Variants in BRF1 observed in about 807,000 individuals in gnomAD.
BRF1 encodes the protein BRF1 general transcription factor IIIB subunit.
Under a neutral mutation model 81.7 loss-of-function variants are expected in BRF1, and 59 were observed. The ratio of observed to expected loss-of-function variants is 0.72; its 90% CI spans 0.59 to 0.90. The LOEUF (loss-of-function observed/expected upper bound fraction) is 0.90. BRF1 is among the 40% of genes least tolerant of loss of function. The pLI, the probability that BRF1 is intolerant of heterozygous loss-of-function variation, is 0.00. For synonymous variants in BRF1, 491 were observed against 395.6 expected (o/e 1.24, Z -2.86); for missense variants, 1,050 against 936.3 (o/e 1.12, Z -1.58).
chr14:105,228,742 C>G (rs1050718226), intron 7 of BRF1, 78 bp downstream of exon 7: 5 of 1,535,942 alleles, frequency 3.3e-6, no homozygotes, highest in Admixed American at 3.4e-5. Context: ...GGAGGTGGCG[C>G]CTGCTCTGGC....
intron 3 of BRF1, among the ~76,000 whole-genome samples, chr14:105,258,053 C>G (rs2055968858): frequency 1.3e-5 from 2 of 152,218 alleles, no homozygotes. Context: ...AACAACTTGG[C>G]AAGACGGGCT....
Position 105,210,298 on chromosome 14 carries a change from G to A in BRF1, c.*253C>T, listed in dbSNP as rs111764937. 1.9e-5 allele frequency: 10 copies of A among 522,454 alleles called. No individual in the cohort carries two copies. The highest frequency in any genetic ancestry group is 3.3e-5 in the Admixed American group (1 of 30,452). 32.4% of individuals were successfully genotyped at this position (522,454 alleles called of 1,614,324 possible). ...CTTGGATGAGTCGACGGCAGGCAGCGGGACCCAGCCCTGCACACACCCGGC... is the reference window on the plus strand; with the variant it reads ...CTTGGATGAGTCGACGGCAGGCAGCAGGACCCAGCCCTGCACACACCCGGC... On this transcript the variant is annotated 3_prime_UTR_variant, in exon 18 of 18. Coordinates refer to ENST00000547530, the MANE Select transcript of BRF1 (RefSeq NM_001519.4). This position sits in a 1 kb window ranked among gnomAD's most constrained non-coding sequence, Gnocchi z 4.7.
intron 10 of BRF1, among the ~76,000 whole-genome samples, chr14:105,223,764 C>G (rs976687961): frequency 2.6e-5 from 4 of 152,136 alleles, no homozygotes; most frequent in Non-Finnish European, 5.9e-5. Flanking sequence ...TCAAAGGGCA[C>G]ATTTTAAATA....
intron 5 of BRF1, chr14:105,247,649 A>G: frequency 1.0e-6 from 1 of 985,308 alleles, no homozygotes; most frequent in Non-Finnish European, 1.2e-6. Context: ...TGCACCCATG[A>G]CCCGAGATGC....
intron 5 of BRF1, chr14:105,249,362 C>T (rs765834225): frequency 1.9e-5 from 31 of 1,610,554 alleles, no homozygotes; most frequent in East Asian, 1.6e-4. Context: ...CCTCCCAGTA[C>T]GTCTTGGCTG....
At position 105,211,637 on chromosome 14, in the gene BRF1, TG is replaced by T. The variant is rs200791832; in HGVS notation, c.1825-345del. The T allele has an allele frequency of 7.5e-4, 267 of 358,336 alleles. 7 individuals are homozygous for T. The East Asian group carries it at 0.015, about 20-fold the overall frequency. 22.2% of individuals were successfully genotyped at this position (358,336 alleles called of 1,614,324 possible). On this transcript the variant is annotated intron_variant, in intron 16 of 17. Coordinates refer to ENST00000547530, the MANE Select transcript of BRF1 (RefSeq NM_001519.4). ...GGCCTCAGCCCCCGGGGGCTTGGCCTGCCCTGACCCCCAGAACACAGACAGA... is the reference window on the plus strand; with the variant it reads ...GGCCTCAGCCCCCGGGGGCTTGGCCTCCCTGACCCCCAGAACACAGACAGA...
At position 105,212,128 on chromosome 14, in the gene BRF1, CT is replaced by C. The variant is rs1326403764; in HGVS notation, c.1808del (p.Lys603ArgfsTer59). On this transcript the variant is annotated frameshift_variant, in exon 16 of 18. Coordinates refer to ENST00000547530, the MANE Select transcript of BRF1 (RefSeq NM_001519.4). LOFTEE classifies it high-confidence loss of function. The part of the protein sequence containing the change: ...RPLVSTQPAK[K>X]VATGEALLPS... ...GACAACACACCTCTCCCGTGGCCAC[CT>C]TCTTTGCTGGCTGCGTAGACACCAG... The C allele has an allele frequency of 3.7e-6, 6 of 1,612,880 alleles. No individual in the cohort carries two copies. The highest frequency in any genetic ancestry group is 5.1e-6 in the Non-Finnish European group (6 of 1,179,738).
chr14:105,240,985 C>G (rs944869590), intron 6 of BRF1, among the ~76,000 whole-genome samples: 2 of 152,204 alleles, frequency 1.3e-5, no homozygotes, highest in Admixed American at 6.5e-5. Flanking sequence ...CAGGGATGCC[C>G]ATGCAGCCGC....
At chr14:105,285,252 G>A (rs901926561) in intron 2 of BRF1, among the ~76,000 whole-genome samples, 2 of 152,256 alleles carry the variant, frequency 1.3e-5, no homozygotes, top group Admixed American at 6.5e-5. Context: ...CACAGTTCCT[G>A]ATTTCAAAAC....
intron 14 of BRF1, among the ~76,000 whole-genome samples, chr14:105,218,778 G>A (rs1205758367): frequency 1.3e-5 from 2 of 151,502 alleles, no homozygotes; most frequent in East Asian, 1.9e-4. Context: ...CTGAGCACAC[G>A]CCCTCCAAGG....
chr14:105,248,583 G>GGGCGGGCGGGCGGGCCT (rs2055317851), intron 5 of BRF1: 1 of 728,908 alleles, frequency 1.4e-6, no homozygotes, highest in African/African-American at 2.2e-5. Flanking sequence ...GCGGGCGGGC[G>GGGCGGGCGGGCGGGCCT]GGCGGGACGG....
In BRF1 at chr14:105,217,890, G is replaced by A. The variant is rs369539182; in HGVS notation, c.1516-90C>T. 35 of 1,549,350 alleles carry A rather than the reference G, an allele frequency of 2.3e-5. 1 individual carries two copies. Among genetic ancestry groups the A allele is most frequent in the Middle Eastern group, 2.3e-4 (1 of 4,420 alleles). ...TCCACGTGAGGCCAGGAGTGCAGGC[G>A]GGTGAGGCCTGGCTCAGGCCCTCAG... is the stretch of plus-strand genomic sequence containing the variant. On this transcript the variant is annotated intron_variant, in intron 14 of 17. Transcript: ENST00000547530.
rs189765773 is a variant in BRF1 at position 105,211,507 on chromosome 14, G to A, written c.1825-214C>T. On this transcript the variant is annotated intron_variant, in intron 16 of 17. Coordinates refer to ENST00000547530, the MANE Select transcript of BRF1 (RefSeq NM_001519.4). ...TGTCAGCATCAAGATCCCACCCTCA[G>A]GCCTCTGCCAGCCCCTGCTCCTGTA... 6.1e-3 allele frequency: 3,424 copies of A among 560,530 alleles called. 16 individuals carry two copies. The highest frequency in any genetic ancestry group is 9.8e-3 in the Admixed American group (274 of 27,824). 34.7% of individuals were successfully genotyped at this position (560,530 alleles called of 1,614,324 possible).
intron 2 of BRF1, among the ~76,000 whole-genome samples, chr14:105,280,371 G>A (rs2057018556): frequency 6.6e-6 from 1 of 152,230 alleles, no homozygotes; most frequent in Non-Finnish European, 1.5e-5. Flanking sequence ...GGAGGCTGGG[G>A]AAGGAGGGAT....
intron 14 of BRF1, 48 bp downstream of exon 14, chr14:105,218,950 A>T (rs769975095): frequency 6.2e-7 from 1 of 1,611,948 alleles, no homozygotes; most frequent in Non-Finnish European, 8.5e-7. Context: ...TGCCCCCCGT[A>T]ACCTGGACAC....
chr14:105,261,430 G>A (rs1286048780), intron 3 of BRF1, among the ~76,000 whole-genome samples: 1 of 152,186 alleles, frequency 6.6e-6, no homozygotes, highest in Non-Finnish European at 1.5e-5. Flanking sequence ...CCCCACCACA[G>A]CTGTGGACAA....
upstream of BRF1, among the ~76,000 whole-genome samples, chr14:105,305,306 G>A (rs1204122828): frequency 1.3e-5 from 2 of 152,290 alleles, no homozygotes; most frequent in Admixed American, 6.5e-5. Flanking sequence ...GGAGGCTGAG[G>A]TAGGAGGATT....
intron 1 of BRF1, chr14:105,314,850 G>C: frequency 1.4e-6 from 1 of 690,144 alleles, no homozygotes; most frequent in Non-Finnish European, 1.8e-6. Context: ...CGCGCGCCCG[G>C]CCCGCCCGCC....
At chr14:105,296,638 G>GCA (rs2057757614) in intron 1 of BRF1, among the ~76,000 whole-genome samples, 1 of 148,962 alleles carries the variant, frequency 6.7e-6, no homozygotes, top group African/African-American at 2.5e-5. Context: ...CCAAGATGGT[G>GCA]CCACTGCACT....
Sources: gnomAD v4.1 joint callset for allele counts (sites outside exome capture counted in the v4.1 genomes callset) on GRCh38, gnomAD v4.1.1 for gene constraint, Gnocchi (gnomAD v3.1) non-coding constraint, MANE v1.5 for transcripts, NCBI Gene and HGNC (gene_info 2026-07-23, HGNC 2026-07-21) for gene names.